The following GRIK2 variants were observed in gnomAD, a reference collection of about 807,000 sequenced individuals.
GRIK2 encodes glutamate receptor ionotropic, kainate 2.
GRIK2 carries 32 observed loss-of-function variants against 100.3 expected under a neutral mutation model. The ratio of observed to expected loss-of-function variants is 0.32; its 90% CI spans 0.24 to 0.43. GRIK2 has a LOEUF of 0.43. Ranked by LOEUF, GRIK2 falls within the 20% of genes least tolerant of loss-of-function variation. The pLI is 1.00. For missense variants in GRIK2, 843 were observed against 1,114.9 expected (o/e 0.76, Z 3.47); for synonymous variants, 417 against 389.4 (o/e 1.07, Z -0.83).
chr6:101,440,943 A>T, intron 2 of GRIK2, among the ~76,000 whole-genome samples: 1 of 146,224 alleles, frequency 6.8e-6, no homozygotes. Context: ...AGAGTGTTAG[A>T]TGGTCTATCT....
rs191821119 is a variant in GRIK2, at chr6:101,883,879, G to A, written c.1525-5761G>A. Among the ~76,000 whole-genome samples, 164 of 152,266 alleles carry A rather than the reference G, an allele frequency of 1.1e-3. 1 individual carries two copies. The highest frequency in any genetic ancestry group is 3.7e-3 in the African/African-American group (153 of 41,558). ...ACTAATGTTGATAAAGCCATATCTTGCAATGCTTTGTAGGCAAACATGTTC... is the reference window on the plus strand; with the variant it reads ...ACTAATGTTGATAAAGCCATATCTTACAATGCTTTGTAGGCAAACATGTTC... On this transcript the variant is annotated intron_variant, in intron 11 of 16. Coordinates refer to ENST00000369134, the MANE Select transcript of GRIK2 (RefSeq NM_021956.5).
chr6:101,889,714 T>G lies in GRIK2; in HGVS notation c.1599T>G (p.Phe533Leu). Residue 533 changes from phenylalanine (F) to leucine (L), a missense_variant, in exon 12 of 17, where the codon TTT (phenylalanine) becomes TTG (leucine). By Grantham distance (22) the Phe-to-Leu change is conservative (BLOSUM62 0). Around this residue, in one of 3 missense-constraint regions of GRIK2, gnomAD observed 237 missense variants for 388.0 expected, o/e 0.61. Transcript: ENST00000369134. ...AGGTCATCGACTTTTCCAAGCCCTT[T>G]ATGACACTTGGAATAAGTATTTTGT... ...REKVIDFSKP[F>L]MTLGISILYR... 1 of 1,613,514 alleles carries G rather than the reference T, an allele frequency of 6.2e-7. No homozygotes were observed. Among genetic ancestry groups the G allele is most frequent in the Non-Finnish European group, 8.5e-7 (1 of 1,179,688 alleles).
intron 12 of GRIK2, among the ~76,000 whole-genome samples, chr6:101,920,144 C>T (rs1789394216): frequency 6.6e-6 from 1 of 151,848 alleles, no homozygotes; most frequent in Non-Finnish European, 1.5e-5. Flanking sequence ...TATGACTTGA[C>T]CCTCTTCATT....
chr6:101,577,944 G>A (rs1364701370), intron 2 of GRIK2, among the ~76,000 whole-genome samples: 4 of 152,088 alleles, frequency 2.6e-5, no homozygotes, highest in South Asian at 2.1e-4. Context: ...GAATGCCTAC[G>A]AAAGGTTGAA....
intron 14 of GRIK2, among the ~76,000 whole-genome samples, chr6:101,936,992 C>T (rs1166910735): frequency 6.6e-6 from 1 of 152,070 alleles, no homozygotes; most frequent in Non-Finnish European, 1.5e-5. Context: ...AGGTTTTTAG[C>T]GTATTTAAAC....
At chr6:101,792,234 A>T (rs2128408782) in intron 7 of GRIK2, among the ~76,000 whole-genome samples, 1 of 151,198 alleles carries the variant, frequency 6.6e-6, no homozygotes, top group African/African-American at 2.4e-5. Context: ...TTATGTGTGA[A>T]TTTGATCCTG....
At chr6:101,431,841 A>T (rs1203250950) in intron 2 of GRIK2, among the ~76,000 whole-genome samples, 1 of 152,122 alleles carries the variant, frequency 6.6e-6, no homozygotes, top group East Asian at 1.9e-4. Flanking sequence ...CTTCCTGCCC[A>T]TGATAACATC....
intron 2 of GRIK2, among the ~76,000 whole-genome samples, chr6:101,410,257 C>T (rs1775826109): frequency 6.6e-6 from 1 of 152,020 alleles, no homozygotes; most frequent in African/African-American, 2.4e-5. Context: ...ATGCATCTGC[C>T]TATGATGAAC....
At chr6:101,789,840 A>G (rs1340772870) in intron 7 of GRIK2, among the ~76,000 whole-genome samples, 3 of 152,242 alleles carry the variant, frequency 2.0e-5, no homozygotes, top group South Asian at 2.1e-4. Flanking sequence ...ACCCATGAGC[A>G]TGGAATGTTC....
Position 101,936,613 on chromosome 6 carries a change from T to C in GRIK2, c.2085+7981T>C, listed in dbSNP as rs201412038. On this transcript the variant is annotated intron_variant, in intron 14 of 16. Transcript: ENST00000369134. Reference sequence around the variant, plus strand: ...ATTGTACGTGAGGCCTGATCCTATGTTTATTACAGGGATTTGCATAAGGAC... The same window carrying C: ...ATTGTACGTGAGGCCTGATCCTATGCTTATTACAGGGATTTGCATAAGGAC... 2.0e-5 allele frequency among the ~76,000 whole-genome samples: 3 copies of C among 152,098 alleles called. No homozygotes were observed. The East Asian group carries it at 5.8e-4, about 29-fold the overall frequency.
In GRIK2 at chr6:101,659,385, C is replaced by G. The variant is rs146919818; in HGVS notation, c.542-17238C>G. On this transcript the variant is annotated intron_variant, in intron 4 of 16. Coordinates refer to ENST00000369134, the MANE Select transcript of GRIK2 (RefSeq NM_021956.5). ...ATTGGTCTGTATATCTGTTTTGGTA[C>G]CAGTACCGTGCTCTTTTGGTTACTG... Among the ~76,000 whole-genome samples, 212 of 152,216 alleles carry G rather than the reference C, an allele frequency of 1.4e-3. 1 individual carries two copies. The highest frequency in any genetic ancestry group is 5.0e-3 in the African/African-American group (207 of 41,544).
chr6:101,622,220 A>T (rs1780198279), intron 3 of GRIK2, 104 bp downstream of exon 3: 1 of 623,108 alleles, frequency 1.6e-6, no homozygotes, highest in African/African-American at 1.8e-5. Context: ...AGTTGTTAGG[A>T]ATATTTGCAT....
intron 14 of GRIK2, among the ~76,000 whole-genome samples, chr6:101,939,910 C>CT (rs763942259): frequency 6.6e-6 from 1 of 151,950 alleles, no homozygotes; most frequent in East Asian, 1.9e-4. Flanking sequence ...TAAACACGAC[C>CT]TTTTTTATGA....
At chr6:101,994,574 G>GAGTT (rs1311234830) in intron 14 of GRIK2, among the ~76,000 whole-genome samples, 1 of 151,764 alleles carries the variant, frequency 6.6e-6, no homozygotes, top group East Asian at 1.9e-4. Flanking sequence ...GACACAGCAA[G>GAGTT]AGTTAGTATT....
chr6:101,865,944 C>T (rs1785029156), intron 11 of GRIK2, among the ~76,000 whole-genome samples: 1 of 149,060 alleles, frequency 6.7e-6, no homozygotes, highest in Non-Finnish European at 1.5e-5. Context: ...AAAATTACAA[C>T]CAACAACAAC....
intron 14 of GRIK2, among the ~76,000 whole-genome samples, chr6:101,946,392 G>A (rs546830810): frequency 2.7e-4 from 41 of 152,100 alleles, no homozygotes; most frequent in Non-Finnish European, 5.4e-4. Context: ...TAGCCAGGGT[G>A]TGGTGGCACA....
intron 7 of GRIK2, among the ~76,000 whole-genome samples, chr6:101,715,879 T>C (rs1460088970): frequency 1.3e-5 from 2 of 151,846 alleles, no homozygotes; most frequent in African/African-American, 4.8e-5. Flanking sequence ...ATTTTCTAAA[T>C]ACAGGATAAT....
At chr6:101,624,740 C>CT (rs199687679) in intron 3 of GRIK2, among the ~76,000 whole-genome samples, 7 of 150,812 alleles carry the variant, frequency 4.6e-5, no homozygotes, top group African/African-American at 9.7e-5. Flanking sequence ...ACATGGTTTA[C>CT]TTTTTTTTTG....
In GRIK2 at chr6:101,675,306, C is replaced by CACACA. The variant is rs1554243016; in HGVS notation, c.542-1317_542-1316insACACA. Among the ~76,000 whole-genome samples, 3 of 149,316 alleles carry CACACA rather than the reference C, an allele frequency of 2.0e-5. No homozygotes were observed. The South Asian group carries it at 6.3e-4, about 31-fold the overall frequency. ...GCACGCACACGCAGACACACACACACCACACACACACACACACACACTCGA... is the reference window on the plus strand; with the variant it reads ...GCACGCACACGCAGACACACACACACACACACACACACACACACACACACACTCGA... On this transcript the variant is annotated intron_variant, in intron 4 of 16. Coordinates refer to ENST00000369134, the MANE Select transcript of GRIK2 (RefSeq NM_021956.5).
Sources: allele counts gnomAD v4.1 joint callset (sites outside exome capture counted in the v4.1 genomes callset), GRCh38; gene constraint gnomAD v4.1.1; regional missense constraint gnomAD v4.1.1; transcripts MANE v1.5; gene names NCBI Gene and HGNC (gene_info 2026-07-23, HGNC 2026-07-21).